The following AKR1B15 variants were observed in gnomAD, a reference collection of about 807,000 sequenced individuals.
AKR1B15 encodes estradiol 17-beta-dehydrogenase AKR1B15.
Under a neutral mutation model 38.5 loss-of-function variants are expected in AKR1B15, and 49 were observed. That is an observed-to-expected ratio of 1.27 (90% confidence interval 1.01 to 1.62). The LOEUF is 1.62. AKR1B15 is among the 40% of genes most tolerant of loss of function. The probability of loss-of-function intolerance (pLI) is 0.00; values close to 1 mark genes in which losing one functional copy is unlikely to be tolerated. For synonymous variants in AKR1B15, 137 were observed against 135.5 expected (o/e 1.01, Z -0.08); for missense variants, 411 against 381.6 (o/e 1.08, Z -0.64).
chr7:134,566,452 T>A (rs952540563), intron 3 of AKR1B15, among the ~76,000 whole-genome samples: 2 of 152,176 alleles, frequency 1.3e-5, no homozygotes, highest in African/African-American at 2.4e-5. Context: ...AGTCGTGAGC[T>A]CCACCCGGCT....
At chr7:134,559,790 T>C (rs1285146849) in intron 2 of AKR1B15, among the ~76,000 whole-genome samples, 3 of 152,174 alleles carry the variant, frequency 2.0e-5, no homozygotes, top group Admixed American at 1.3e-4. Context: ...AAAGTTCTTA[T>C]TAAACCTTCT....
intron 11 of AKR1B15, among the ~76,000 whole-genome samples, chr7:134,578,412 G>A (rs146544742): frequency 2.3e-3 from 344 of 152,272 alleles, no homozygotes; most frequent in African/African-American, 6.2e-3. Context: ...TGTGTTTAGA[G>A]CATTCAAGCA....
intron 1 of AKR1B15, among the ~76,000 whole-genome samples, chr7:134,553,093 C>T (rs533345918): frequency 3.3e-5 from 5 of 152,232 alleles, no homozygotes; most frequent in Admixed American, 2.0e-4. Context: ...GGGTATGAGA[C>T]AAATGAAGGA....
intron 1 of AKR1B15, among the ~76,000 whole-genome samples, chr7:134,555,869 A>C (rs1461007179): frequency 1.3e-5 from 2 of 152,100 alleles, no homozygotes; most frequent in Non-Finnish European, 2.9e-5. Context: ...AGTTGTCGAG[A>C]TTCTTACCAG....
intron 11 of AKR1B15, among the ~76,000 whole-genome samples, 172 bp downstream of exon 11, chr7:134,577,958 C>G (rs116368148): frequency 0.034 from 5,164 of 152,280 alleles, 110 homozygotes; most frequent in Middle Eastern, 0.088. Flanking sequence ...AGGGACACAT[C>G]TCTAATTGCT....
intron 1 of AKR1B15, among the ~76,000 whole-genome samples, chr7:134,549,734 C>T (rs565258731): frequency 2.6e-5 from 4 of 152,266 alleles, no homozygotes; most frequent in African/African-American, 9.6e-5. Flanking sequence ...CACGGGACCC[C>T]CTCCCCTTGT....
At chr7:134,569,602 A>T in intron 5 of AKR1B15, 73 bp downstream of exon 5, 1 of 1,499,828 alleles carries the variant, frequency 6.7e-7, no homozygotes, top group Admixed American at 1.7e-5. Context: ...CAACAGAGAG[A>T]CTGGCTGAAG....
intron 3 of AKR1B15, chr7:134,565,088 C>T: frequency 3.3e-6 from 1 of 299,544 alleles, no homozygotes; most frequent in Non-Finnish European, 6.2e-6. Context: ...GGAATAAAAG[C>T]TGGCCACCCC....
intron 1 of AKR1B15, among the ~76,000 whole-genome samples, chr7:134,554,281 C>T (rs1278945664): frequency 6.6e-6 from 1 of 152,140 alleles, no homozygotes; most frequent in African/African-American, 2.4e-5. Context: ...GTGCCTTTAA[C>T]CCTGCTGCCC....
intron 7 of AKR1B15, 77 bp downstream of exon 7, chr7:134,575,619 A>G: frequency 6.3e-7 from 1 of 1,596,476 alleles, no homozygotes; most frequent in Non-Finnish European, 8.5e-7. Flanking sequence ...GTTCAATGCT[A>G]TGCCCTGAGT....
Position 134,579,624 on chromosome 7 carries a change from T to C in AKR1B15, c.*75T>C. 8.9e-6 allele frequency: 12 copies of C among 1,354,424 alleles called. No individual in the cohort carries two copies. The highest frequency in any genetic ancestry group is 1.2e-5 in the Non-Finnish European group (12 of 991,380). 83.9% of individuals were successfully genotyped at this position (1,354,424 alleles called of 1,614,324 possible). On this transcript the variant is annotated 3_prime_UTR_variant, in exon 12 of 12. Transcript: ENST00000457545. ...AGTGTGACTGTCTCCACTCAAGAAC[T>C]ATTTTAGCCAAGCTTATCTGAGATC...
chr7:134,563,907 C>A (rs916386973), intron 2 of AKR1B15, among the ~76,000 whole-genome samples: 1 of 152,186 alleles, frequency 6.6e-6, no homozygotes, highest in Non-Finnish European at 1.5e-5. Flanking sequence ...ATGAAAACGA[C>A]AAACTCACAC....
At chr7:134,577,682 AT>A (rs771737294) in intron 10 of AKR1B15, 21 bp from the exon 11 acceptor site, 1 of 1,611,400 alleles carries the variant, frequency 6.2e-7, no homozygotes, top group Non-Finnish European at 8.5e-7. Context: ...CCGATAATGT[AT>A]TGGAATTCTT....
At chr7:134,577,606 T>C (rs1476695415) in intron 10 of AKR1B15, 98 bp from the exon 11 acceptor site, 14 of 1,373,974 alleles carry the variant, frequency 1.0e-5, no homozygotes, top group Non-Finnish European at 3.0e-6. Context: ...CAGTTTGTGC[T>C]GTGAATGTGA....
rs1794837664 is a variant in AKR1B15, at chr7:134,579,490, T to C, written c.993-17T>C. ...TGATGGAACACAGTTTCTTTTTTTT[T>C]TTCTCTCTCTCTGTAGATTCTCTCA... is the stretch of plus-strand genomic sequence containing the variant. On this transcript the variant is annotated splice_polypyrimidine_tract_variant and intron_variant, in intron 11 of 11. Transcript: ENST00000457545. 8 of 1,568,828 alleles carry C rather than the reference T, an allele frequency of 5.1e-6. No individual in the cohort carries two copies. The East Asian group carries it at 1.8e-4, about 35-fold the overall frequency.
At chr7:134,557,146 T>G (rs529728895) in intron 2 of AKR1B15, among the ~76,000 whole-genome samples, 4 of 152,178 alleles carry the variant, frequency 2.6e-5, no homozygotes, top group South Asian at 4.1e-4. Context: ...TACCAAAGCA[T>G]GTTTAACTGG....
intron 1 of AKR1B15, among the ~76,000 whole-genome samples, chr7:134,556,061 A>G (rs968667251): frequency 6.6e-6 from 1 of 152,206 alleles, no homozygotes. Context: ...AGCATGTCAT[A>G]GGGATTAAGG....
rs1562952034 is a variant in AKR1B15, at chr7:134,575,463, G to A, written c.557G>A (p.Gly186Glu). 3 of 1,613,838 alleles carry A rather than the reference G, an allele frequency of 1.9e-6. No homozygotes were observed. The highest frequency in any genetic ancestry group is 2.5e-6 in the Non-Finnish European group (3 of 1,179,818). ...GACGAGGGGCTGGTGAAAGCCCTTGGGGTCTCAAATTTCAACCACTTCCAG... is the reference window on the plus strand; with the variant it reads ...GACGAGGGGCTGGTGAAAGCCCTTGAGGTCTCAAATTTCAACCACTTCCAG... ...LVDEGLVKALGVSNFNHFQIE... is the reference protein window; with the variant it reads ...LVDEGLVKALEVSNFNHFQIE... Residue 186 changes from glycine to glutamate, a missense_variant, in exon 7 of 12, where the codon GGG becomes GAG. By Grantham distance (98) the Gly-to-Glu change is moderately conservative (BLOSUM62 -2). Around this residue, in one of 3 missense-constraint regions of AKR1B15, gnomAD observed 254 missense variants for 212.4 expected, o/e 1.20. Transcript: ENST00000457545.
chr7:134,571,692 G>T lies in AKR1B15; in HGVS notation c.513+11G>T. 3.1e-6 allele frequency: 5 copies of T among 1,609,624 alleles called. No individual in the cohort carries two copies. The highest frequency in any genetic ancestry group is 4.3e-6 in the Non-Finnish European group (5 of 1,176,376). ...TTGGATGCCTGGGAGGTAGGTTCCAGCTTTGTCTAAGTGTGCTGGGAGAGA... is the reference window on the plus strand; with the variant it reads ...TTGGATGCCTGGGAGGTAGGTTCCATCTTTGTCTAAGTGTGCTGGGAGAGA... On this transcript the variant is annotated intron_variant, in intron 6 of 11. Transcript: ENST00000457545.
Sources: gnomAD v4.1 joint callset for allele counts (sites outside exome capture counted in the v4.1 genomes callset) on GRCh38, gnomAD v4.1.1 for gene constraint, gnomAD v4.1.1 regional missense constraint, MANE v1.5 for transcripts, NCBI Gene and HGNC (gene_info 2026-07-23, HGNC 2026-07-21) for gene names.